Variants in TRIM66 observed in about 807,000 individuals in gnomAD.
The protein encoded by TRIM66 is tripartite motif containing 66, also known as tripartite motif-containing protein 66.
A neutral mutation model predicts 148.2 loss-of-function variants in TRIM66; 99 were observed. The observed-to-expected ratio is 0.67, with a 90% CI of 0.57 to 0.79. The LOEUF is 0.79. Ranked by LOEUF, TRIM66 falls within the 30% of genes least tolerant of loss-of-function variation. The pLI is 0.00. For synonymous variants in TRIM66, 616 were observed against 635.9 expected, an observed-to-expected ratio of 0.97 and a Z score of 0.47; for missense variants, 1,666 against 1,697.9, an observed-to-expected ratio of 0.98 and a Z score of 0.33.
chr11:8,663,850 T>C (rs969264774), intron 6 of TRIM66, among the ~76,000 whole-genome samples: 3 of 152,036 alleles, frequency 2.0e-5, no homozygotes, highest in African/African-American at 2.4e-5. Flanking sequence ...TTACAGCACA[T>C]TGTAAGTGAA....
rs1484507544 is a variant in TRIM66, at chr11:8,612,419, TGA to T, written c.*5523_*5524del. On this transcript the variant is annotated 3_prime_UTR_variant, in exon 25 of 25. Transcript: ENST00000646038. Reference sequence around the variant, plus strand: ...ATTAACATCTTTACAGCTGGAGAGCTGAGAGATCACTGTTCTCAGCCATTCTC... The same window carrying T: ...ATTAACATCTTTACAGCTGGAGAGCTGAGATCACTGTTCTCAGCCATTCTC... The T allele has an allele frequency of 6.6e-6, 1 of 152,232 alleles. No homozygotes were observed. Among genetic ancestry groups the T allele is most frequent in the East Asian group, 1.9e-4 (1 of 5,196 alleles). 9.4% of individuals were successfully genotyped at this position (152,232 alleles called of 1,614,324 possible).
intron 15 of TRIM66, among the ~76,000 whole-genome samples, chr11:8,636,187 A>T (rs963954579): frequency 3.3e-5 from 5 of 152,110 alleles, no homozygotes; most frequent in African/African-American, 1.2e-4. Context: ...AACTCAGCTC[A>T]AATGGACAGC....
At chr11:8,627,249 G>C (rs759730872) in intron 15 of TRIM66, among the ~76,000 whole-genome samples, 1 of 152,148 alleles carries the variant, frequency 6.6e-6, no homozygotes, top group Non-Finnish European at 1.5e-5. Context: ...TTAATGAGCT[G>C]TTTAAAAATT....
chr11:8,648,083 GCACCTA>G lies in TRIM66; in HGVS notation c.726-3_728del, dbSNP rs1277789595. On this transcript the variant is annotated splice_acceptor_variant and splice_polypyrimidine_tract_variant and coding_sequence_variant and intron_variant, in exon 10 of 25. Transcript: ENST00000646038. LOFTEE classifies it high-confidence loss of function. The stretch of plus-strand genomic sequence containing the variant: ...TTTGCAAAACTTCTTCAACATGTCT[GCACCTA>G]GGGGATGAGGCAGAGAAAAAGCTGA... 1 of 1,551,328 alleles carries G rather than the reference GCACCTA, an allele frequency of 6.4e-7. No homozygotes were observed. Among genetic ancestry groups the G allele is most frequent in the East Asian group, 2.4e-5 (1 of 40,944 alleles).
At chr11:8,668,822 G>T (rs188043865) in intron 6 of TRIM66, among the ~76,000 whole-genome samples, 1 of 152,026 alleles carries the variant, frequency 6.6e-6, no homozygotes, top group Non-Finnish European at 1.5e-5. Context: ...CTGAGCTCAG[G>T]TAATCCGCCC....
At chr11:8,655,793 A>G (rs1447764919) in intron 6 of TRIM66, among the ~76,000 whole-genome samples, 2 of 152,026 alleles carry the variant, frequency 1.3e-5, no homozygotes, top group African/African-American at 4.8e-5. Flanking sequence ...AAAAAAAATT[A>G]AAATAAAAAT....
At chr11:8,682,560 C>A (rs1396635138) in intron 1 of TRIM66, 41 bp downstream of exon 1, 2 of 582,874 alleles carry the variant, frequency 3.4e-6, no homozygotes, top group East Asian at 6.0e-5. Context: ...CCCGATTCTT[C>A]AACAGTTCTC....
chr11:8,632,056 T>A (rs1269276312), intron 15 of TRIM66, among the ~76,000 whole-genome samples: 1 of 152,140 alleles, frequency 6.6e-6, no homozygotes, highest in African/African-American at 2.4e-5. Flanking sequence ...GTGAATTAAA[T>A]CCTCAAAATA....
chr11:8,640,584 C>T lies in TRIM66; in HGVS notation c.1791G>A (p.Gln597=). The T allele has an allele frequency of 6.4e-7, 1 of 1,550,954 alleles. No individual in the cohort carries two copies. Among genetic ancestry groups the T allele is most frequent in the Admixed American group, 2.0e-5 (1 of 50,960 alleles). The change falls in exon 14 of 25, where the codon CAG becomes CAA. Residue 597 remains glutamine (Q), a synonymous_variant. Coordinates refer to ENST00000646038, the MANE Select transcript of TRIM66 (RefSeq NM_001388022.1). ...GTGGAGGTGGTAGCTGCTGCTGTGG[C>T]TGCTGCTGAAAGTGACTGAGCTTCA... The part of the protein sequence containing the change: ...QKLKLSHFQQ[Q]PQQQLPPPPP...
At chr11:8,674,331 A>G (rs1227005815) in intron 4 of TRIM66, among the ~76,000 whole-genome samples, 1 of 152,262 alleles carries the variant, frequency 6.6e-6, no homozygotes, top group East Asian at 1.9e-4. Context: ...GTTATATGTT[A>G]ACACGAATAA....
chr11:8,681,109 G>A (rs937906334), intron 1 of TRIM66, among the ~76,000 whole-genome samples: 1 of 151,964 alleles, frequency 6.6e-6, no homozygotes. Context: ...TGGCTGTAAG[G>A]GCAAGGACAT....
At chr11:8,666,322 A>G (rs1490714110) in intron 6 of TRIM66, among the ~76,000 whole-genome samples, 1 of 146,944 alleles carries the variant, frequency 6.8e-6, no homozygotes, top group Non-Finnish European at 1.5e-5. Context: ...CTGGGCAACA[A>G]GAGCAAAACT....
intron 6 of TRIM66, among the ~76,000 whole-genome samples, chr11:8,667,967 C>T (rs75744729): frequency 0.078 from 11,918 of 152,220 alleles, 515 homozygotes; most frequent in African/African-American, 0.11. Context: ...ATTTGATTTT[C>T]AATTTTCTGA....
intron 14 of TRIM66, 148 bp downstream of exon 14, chr11:8,640,079 C>A (rs2036229671): frequency 2.5e-6 from 2 of 805,268 alleles, no homozygotes; most frequent in African/African-American, 1.7e-5. Context: ...TTGAGCCCAG[C>A]ATAGTTTTGA....
Position 8,645,759 on chromosome 11 carries a change from A to G in TRIM66, c.1086T>C (p.Phe362=), listed in dbSNP as rs2036790167. 6.4e-7 allele frequency: 1 copy of G among 1,551,718 alleles called. No individual in the cohort carries two copies. Among genetic ancestry groups the G allele is most frequent in the African/African-American group, 1.4e-5 (1 of 73,180 alleles). ...WAVCSKTSVP[F]LFSKELIVFQ... is the part of the protein sequence containing the mutation. Reference sequence around the variant, plus strand: ...CTCTTACCAGCTCTTTGCTGAAAAGAAAAGGGACACTGGTTTTGCTGCAGA... The same window carrying G: ...CTCTTACCAGCTCTTTGCTGAAAAGGAAAGGGACACTGGTTTTGCTGCAGA... Residue 362 remains phenylalanine (F), a synonymous_variant, in exon 12 of 25, where the codon TTT becomes TTC. Transcript: ENST00000646038.
intron 6 of TRIM66, among the ~76,000 whole-genome samples, chr11:8,668,861 C>T (rs1419955669): frequency 1.3e-5 from 2 of 152,180 alleles, no homozygotes; most frequent in African/African-American, 2.4e-5. Context: ...GCTGGGATTA[C>T]AGGCATGAGC....
chr11:8,649,020 AAG>A (rs955118449), intron 8 of TRIM66, among the ~76,000 whole-genome samples: 9 of 152,212 alleles, frequency 5.9e-5, no homozygotes, highest in African/African-American at 2.2e-4. Flanking sequence ...GCCTTGAGAA[AAG>A]ACTTTCAAGA....
chr11:8,620,966 T>C, intron 20 of TRIM66, 66 bp downstream of exon 20: 1 of 1,503,500 alleles, frequency 6.7e-7, no homozygotes, highest in Non-Finnish European at 8.9e-7. Context: ...GGGCCTGGCC[T>C]GGAATAATCA....
chr11:8,663,103 C>T (rs1021513544), intron 6 of TRIM66: 4 of 152,198 alleles, frequency 2.6e-5, no homozygotes, highest in Non-Finnish European at 5.9e-5. Flanking sequence ...CATGGCTAGG[C>T]CACTGTATTC....
Sources: gnomAD v4.1 joint callset for allele counts (sites outside exome capture counted in the v4.1 genomes callset) on GRCh38, gnomAD v4.1.1 for gene constraint, MANE v1.5 for transcripts, NCBI Gene and HGNC (gene_info 2026-07-23, HGNC 2026-07-21) for gene names.